CNTNAP2: variants seen among roughly 807,000 people sequenced by gnomAD.
The protein encoded by CNTNAP2 is contactin associated protein 2.
CNTNAP2 carries 98 observed loss-of-function variants against 155.2 expected under a neutral mutation model. The ratio of observed to expected loss-of-function variants is 0.63; its 90% CI spans 0.54 to 0.75. The LOEUF (loss-of-function observed/expected upper bound fraction) is 0.75, where lower values mean the gene tolerates loss of function less well. Ranked by LOEUF, CNTNAP2 falls within the 30% of genes least tolerant of loss-of-function variation. The probability of loss-of-function intolerance (pLI) is 0.00; values close to 1 mark genes in which losing one functional copy is unlikely to be tolerated. For synonymous variants in CNTNAP2, 651 were observed against 631.2 expected, an observed-to-expected ratio of 1.03 and a Z score of -0.47; for missense variants, 1,727 against 1,688.1, an observed-to-expected ratio of 1.02 and a Z score of -0.40.
rs181475859 is a variant in CNTNAP2, at chr7:147,947,851, C to T, written c.2256-30011C>T. On this transcript the variant is annotated intron_variant, in intron 14 of 23. Coordinates refer to ENST00000361727, the MANE Select transcript of CNTNAP2 (RefSeq NM_014141.6). ...AACTCCTCACAATGCAAAATGGATG[C>T]CTGGCTTTCATTTTTTTAAAATGAT... Among the ~76,000 whole-genome samples, 1,023 of 152,130 alleles carry T rather than the reference C, an allele frequency of 6.7e-3. 9 individuals are homozygous for T. The highest frequency in any genetic ancestry group is 0.031 in the Middle Eastern group (9 of 294).
At chr7:147,861,160 T>G (rs938982440) in intron 13 of CNTNAP2, among the ~76,000 whole-genome samples, 1 of 152,158 alleles carries the variant, frequency 6.6e-6, no homozygotes, top group African/African-American at 2.4e-5. Flanking sequence ...AGAACTAAGC[T>G]TCTACTCCCA....
At chr7:147,692,473 A>T (rs147097091) in intron 13 of CNTNAP2, among the ~76,000 whole-genome samples, 69 of 152,256 alleles carry the variant, frequency 4.5e-4, no homozygotes, top group Non-Finnish European at 8.5e-4. Flanking sequence ...CATTTTCACC[A>T]ACAATAATAA....
At chr7:146,171,340 G>C (rs1369056145) in intron 1 of CNTNAP2, among the ~76,000 whole-genome samples, 1 of 151,906 alleles carries the variant, frequency 6.6e-6, no homozygotes, top group African/African-American at 2.4e-5. Context: ...GTATTTCTTT[G>C]AGCCTATTTC....
intron 11 of CNTNAP2, among the ~76,000 whole-genome samples, chr7:147,509,959 T>C (rs145654485): frequency 7.9e-5 from 12 of 152,216 alleles, no homozygotes; most frequent in African/African-American, 2.9e-4. Flanking sequence ...TTCCTCTAAA[T>C]CGGTGATTCT....
chr7:146,582,888 TATTA>T (rs1391888780), intron 1 of CNTNAP2, among the ~76,000 whole-genome samples: 1 of 148,678 alleles, frequency 6.7e-6, no homozygotes, highest in Non-Finnish European at 1.5e-5. Flanking sequence ...ATAAATATAA[TATTA>T]ATATATTTAT....
At chr7:146,731,381 ATTT>A (rs1801523187) in intron 1 of CNTNAP2, among the ~76,000 whole-genome samples, 1 of 151,436 alleles carries the variant, frequency 6.6e-6, no homozygotes, top group South Asian at 2.1e-4. Context: ...TTATTATTTT[ATTT>A]TTATTTTAAT....
At chr7:148,361,354 C>T (rs1240953537) in intron 21 of CNTNAP2, among the ~76,000 whole-genome samples, 1 of 152,182 alleles carries the variant, frequency 6.6e-6, no homozygotes, top group Non-Finnish European at 1.5e-5. Context: ...GGTCTGTCTT[C>T]ATCTCCTAGG....
chr7:148,080,123 C>T (rs1419229852), intron 15 of CNTNAP2, among the ~76,000 whole-genome samples: 1 of 152,082 alleles, frequency 6.6e-6, no homozygotes, highest in Non-Finnish European at 1.5e-5. Flanking sequence ...ATCCTGCACC[C>T]CAGAGTAAAG....
At chr7:147,428,316 C>T (rs186797161) in intron 10 of CNTNAP2, among the ~76,000 whole-genome samples, 1 of 152,150 alleles carries the variant, frequency 6.6e-6, no homozygotes, top group East Asian at 1.9e-4. Flanking sequence ...ACTAACTTTG[C>T]AGCCTTTTTT....
chr7:148,353,252 G>C (rs1042180123), intron 21 of CNTNAP2, among the ~76,000 whole-genome samples: 4 of 152,190 alleles, frequency 2.6e-5, no homozygotes, highest in Non-Finnish European at 5.9e-5. Flanking sequence ...ATGGGAGATA[G>C]AAGGAAACAA....
At chr7:147,787,346 C>A (rs778729981) in intron 13 of CNTNAP2, among the ~76,000 whole-genome samples, 1 of 152,108 alleles carries the variant, frequency 6.6e-6, no homozygotes, top group Non-Finnish European at 1.5e-5. Flanking sequence ...TCTAAAGGAG[C>A]AACTGAATTT....
At chr7:147,740,263 A>ATT (rs35353817) in intron 13 of CNTNAP2, among the ~76,000 whole-genome samples, 1 of 152,024 alleles carries the variant, frequency 6.6e-6, no homozygotes, top group Non-Finnish European at 1.5e-5. Context: ...TGCAGCAAGC[A>ATT]TTTAAATTTA....
chr7:147,901,459 T>C (rs1461624975), intron 13 of CNTNAP2, among the ~76,000 whole-genome samples: 2 of 152,236 alleles, frequency 1.3e-5, no homozygotes, highest in Non-Finnish European at 2.9e-5. Context: ...CAATGTGACC[T>C]TCATCTGCTG....
intron 1 of CNTNAP2, among the ~76,000 whole-genome samples, chr7:146,457,707 G>C (rs1427258847): frequency 6.6e-6 from 1 of 150,986 alleles, no homozygotes; most frequent in East Asian, 2.0e-4. Context: ...GTTTCACCGT[G>C]TTAGCAAGGA....
chr7:146,932,926 T>G (rs1411870910), intron 3 of CNTNAP2, among the ~76,000 whole-genome samples: 4 of 151,898 alleles, frequency 2.6e-5, no homozygotes, highest in South Asian at 2.1e-4. Flanking sequence ...CACTTCTCAA[T>G]GAAATAAAAC....
chr7:147,261,965 T>C (rs1804478006), intron 8 of CNTNAP2, among the ~76,000 whole-genome samples: 1 of 152,252 alleles, frequency 6.6e-6, no homozygotes. Context: ...ATAACACTTA[T>C]TATAACCATG....
chr7:147,674,489 C>T (rs937391096), intron 13 of CNTNAP2, among the ~76,000 whole-genome samples: 6 of 152,074 alleles, frequency 3.9e-5, no homozygotes, highest in African/African-American at 1.4e-4. Flanking sequence ...ATAAAGAAAG[C>T]TCTCATTCTA....
chr7:147,672,389 G>T (rs1795802438), intron 13 of CNTNAP2: 1 of 152,152 alleles, frequency 6.6e-6, no homozygotes, highest in African/African-American at 2.4e-5. Flanking sequence ...TAGAATATTA[G>T]AGGCTTTTGT....
chr7:148,201,068 C>A (rs1408739244), intron 18 of CNTNAP2, among the ~76,000 whole-genome samples: 1 of 152,172 alleles, frequency 6.6e-6, no homozygotes, highest in Non-Finnish European at 1.5e-5. Context: ...CCTAATGAAT[C>A]TTGAGTTTTC....
Sources: gnomAD v4.1 joint callset for allele counts (sites outside exome capture counted in the v4.1 genomes callset) on GRCh38, gnomAD v4.1.1 for gene constraint, MANE v1.5 for transcripts, NCBI Gene and HGNC (gene_info 2026-07-23, HGNC 2026-07-21) for gene names.